The following DACH1 variants were observed in gnomAD, a reference collection of about 807,000 sequenced individuals.
DACH1 encodes dachshund family transcription factor 1.
DACH1 carries 12 observed loss-of-function variants against 54.2 expected under a neutral mutation model. The ratio of observed to expected loss-of-function variants is 0.22; its 90% CI spans 0.14 to 0.36. DACH1 has a LOEUF of 0.36. DACH1 is among the 10% of genes least tolerant of loss of function. The probability of loss-of-function intolerance (pLI) is 1.00; values close to 1 mark genes in which losing one functional copy is unlikely to be tolerated. For missense variants in DACH1, 805 were observed against 929.8 expected (o/e 0.87, Z 1.75); for synonymous variants, 386 against 366.2 (o/e 1.05, Z -0.62).
At chr13:71,865,878 G>T in intron 1 of DACH1, 44 bp downstream of exon 1, 1 of 1,538,462 alleles carries the variant, frequency 6.5e-7, no homozygotes, top group Non-Finnish European at 8.8e-7. Flanking sequence ...GAGCAGGCTG[G>T]TGGGAAGGGG....
At chr13:71,458,773 A>G (rs1875811636) in intron 10 of DACH1, among the ~76,000 whole-genome samples, 1 of 151,890 alleles carries the variant, frequency 6.6e-6, no homozygotes. Flanking sequence ...TAAGTATTTC[A>G]CACCTTTATA....
Position 71,694,195 on chromosome 13 carries a change from A to AACAC in DACH1, c.849-12289_849-12286dup, listed in dbSNP as rs374382945. ...AACTAATTTGTTTGAGAAACCTGTA[A>AACAC]ACACACACACACACACACAAGCACA... On this transcript the variant is annotated intron_variant, in intron 1 of 10. Coordinates refer to ENST00000613252, the MANE Select transcript of DACH1 (RefSeq NM_080759.6). Among the ~76,000 whole-genome samples, 9 of 150,636 alleles carry AACAC rather than the reference A, an allele frequency of 6.0e-5. No homozygotes were observed. The East Asian group carries it at 1.2e-3, about 20-fold the overall frequency.
At chr13:71,580,996 AAGTT>A (rs1216991410) in intron 3 of DACH1, among the ~76,000 whole-genome samples, 1 of 150,608 alleles carries the variant, frequency 6.6e-6, no homozygotes, top group Non-Finnish European at 1.5e-5. Flanking sequence ...AATATTTTAA[AAGTT>A]TGTCTTAATG....
intron 2 of DACH1, among the ~76,000 whole-genome samples, chr13:71,677,819 A>G (rs1242624365): frequency 1.3e-5 from 2 of 152,062 alleles, no homozygotes; most frequent in African/African-American, 4.8e-5. Flanking sequence ...TCCCGAGTTC[A>G]AGCGATTCTC....
rs1874714958 is a variant in DACH1, at chr13:71,865,852, A to G, written c.848+70T>C. 2.9e-6 allele frequency: 4 copies of G among 1,393,028 alleles called. No homozygotes were observed. The South Asian group carries it at 6.9e-5, about 24-fold the overall frequency. The allele number at this position is 1,393,028 out of a possible 1,614,324, so 86.3% of individuals were successfully genotyped here. On this transcript the variant is annotated intron_variant, in intron 1 of 10. Coordinates refer to ENST00000613252, the MANE Select transcript of DACH1 (RefSeq NM_080759.6). ...CGCGCAGAGCGAGCGGCGCCGGGAA[A>G]GGAGCGAGGGCAGGCGAGCAGGCTG... is the stretch of plus-strand genomic sequence containing the variant.
chr13:71,606,591 A>G (rs1874899531), intron 3 of DACH1, among the ~76,000 whole-genome samples: 1 of 152,018 alleles, frequency 6.6e-6, no homozygotes. Flanking sequence ...CCACTTCATC[A>G]GAAAGCACTT....
intron 3 of DACH1, among the ~76,000 whole-genome samples, chr13:71,601,289 A>G (rs1388957581): frequency 6.6e-6 from 1 of 152,050 alleles, no homozygotes; most frequent in Non-Finnish European, 1.5e-5. Context: ...TATCAGTGGG[A>G]TTAATATATT....
At chr13:71,507,964 C>T (rs1227321819) in intron 6 of DACH1, among the ~76,000 whole-genome samples, 1 of 151,956 alleles carries the variant, frequency 6.6e-6, no homozygotes, top group African/African-American at 2.4e-5. Flanking sequence ...CTATTATTTC[C>T]TCATTTCTCT....
At chr13:71,681,268 T>C (rs1227944690) in intron 2 of DACH1, among the ~76,000 whole-genome samples, 1 of 152,182 alleles carries the variant, frequency 6.6e-6, no homozygotes, top group African/African-American at 2.4e-5. Flanking sequence ...CTTTTACTTA[T>C]ACATTTTCAA....
chr13:71,796,849 C>T (rs75050172), intron 1 of DACH1, among the ~76,000 whole-genome samples: 1,836 of 152,146 alleles, frequency 0.012, 32 homozygotes, highest in Middle Eastern at 0.027. Flanking sequence ...AGGACATCTA[C>T]GGACACTTAG....
At chr13:71,556,998 A>G in intron 6 of DACH1, 26 bp downstream of exon 6, 1 of 1,562,854 alleles carries the variant, frequency 6.4e-7, no homozygotes. Flanking sequence ...ATCGGGAAAA[A>G]CAAGGAATAT....
At chr13:71,441,335 T>C (rs912149846) in intron 10 of DACH1, among the ~76,000 whole-genome samples, 10 of 151,998 alleles carry the variant, frequency 6.6e-5, no homozygotes, top group Non-Finnish European at 1.5e-4. Flanking sequence ...GGAAATCAAA[T>C]CTTAGAGACA....
At chr13:71,657,427 G>A (rs2138642227) in intron 2 of DACH1, among the ~76,000 whole-genome samples, 1 of 152,062 alleles carries the variant, frequency 6.6e-6, no homozygotes, top group African/African-American at 2.4e-5. Flanking sequence ...AAAAGGTCAG[G>A]AGGTTGAGGC....
intron 6 of DACH1, among the ~76,000 whole-genome samples, chr13:71,506,135 T>G (rs1286511561): frequency 1.3e-5 from 2 of 151,732 alleles, no homozygotes; most frequent in Non-Finnish European, 2.9e-5. Context: ...GCTCTTAAGA[T>G]TCTTTTTTTT....
chr13:71,779,210 T>TATATATACGTATATACGTATATATACAC (rs1357627128), intron 1 of DACH1, among the ~76,000 whole-genome samples: 45 of 104,550 alleles, frequency 4.3e-4, no homozygotes, highest in Admixed American at 7.4e-4. Context: ...TATATGTGTA[T>TATATATACGTATATACGTATATATACAC]ATATATACGT....
At chr13:71,776,681 T>C (rs1886079401) in intron 1 of DACH1, among the ~76,000 whole-genome samples, 1 of 152,168 alleles carries the variant, frequency 6.6e-6, no homozygotes, top group African/African-American at 2.4e-5. Flanking sequence ...TTTTCACTTT[T>C]TGAGGGTACC....
chr13:71,726,833 G>A (rs1052745341), intron 1 of DACH1, among the ~76,000 whole-genome samples: 5 of 151,532 alleles, frequency 3.3e-5, no homozygotes, highest in African/African-American at 1.2e-4. Context: ...TTTAGCTCTG[G>A]TATATTTTTT....
chr13:71,612,348 G>A (rs141526444), intron 3 of DACH1, among the ~76,000 whole-genome samples: 2 of 151,924 alleles, frequency 1.3e-5, no homozygotes, highest in East Asian at 1.9e-4. Flanking sequence ...CATTCCAAAC[G>A]GCTGTAATCA....
At chr13:71,502,827 G>A (rs1376963100) in intron 6 of DACH1, among the ~76,000 whole-genome samples, 1 of 152,120 alleles carries the variant, frequency 6.6e-6, no homozygotes, top group Non-Finnish European at 1.5e-5. Flanking sequence ...CCCTGACTGC[G>A]TCAATGTGTT....
Sources: gnomAD v4.1 joint callset for allele counts (sites outside exome capture counted in the v4.1 genomes callset) on GRCh38, gnomAD v4.1.1 for gene constraint, MANE v1.5 for transcripts, NCBI Gene and HGNC (gene_info 2026-07-23, HGNC 2026-07-21) for gene names.